PDE1C: variants seen among roughly 807,000 people sequenced by gnomAD.
The protein encoded by PDE1C is phosphodiesterase 1C.
PDE1C carries 62 observed loss-of-function variants against 93.1 expected under a neutral mutation model. The observed-to-expected ratio is 0.67, with a 90% CI of 0.54 to 0.82. The LOEUF (loss-of-function observed/expected upper bound fraction) is 0.82, where lower values mean the gene tolerates loss of function less well. Among genes scored for constraint, PDE1C ranks in the 40% least tolerant of loss-of-function variants. PDE1C has a pLI of 0.00. For synonymous variants in PDE1C, 325 were observed against 310.1 expected (o/e 1.05, Z -0.50); for missense variants, 742 against 884.6 (o/e 0.84, Z 2.04).
chr7:32,015,537 C>T (rs377088196), intron 2 of PDE1C, among the ~76,000 whole-genome samples: 8 of 152,106 alleles, frequency 5.3e-5, no homozygotes, highest in African/African-American at 1.9e-4. Context: ...CCCCACCCCA[C>T]CCACCACCAA....
At chr7:31,882,617 G>C (rs1797391167) in intron 2 of PDE1C, among the ~76,000 whole-genome samples, 1 of 152,038 alleles carries the variant, frequency 6.6e-6, no homozygotes, top group Non-Finnish European at 1.5e-5. Context: ...AGTAAAATTA[G>C]ACTTTTTAAA....
intron 2 of PDE1C, among the ~76,000 whole-genome samples, chr7:32,178,792 GACA>G (rs1183845476): frequency 2.6e-5 from 4 of 152,036 alleles, no homozygotes; most frequent in African/African-American, 2.4e-5. Context: ...TCTTCACAAA[GACA>G]ACTTTTCATG....
intron 1 of PDE1C, among the ~76,000 whole-genome samples, chr7:32,413,212 T>G (rs1272222610): frequency 1.3e-5 from 2 of 152,132 alleles, no homozygotes; most frequent in African/African-American, 2.4e-5. Flanking sequence ...TAATTTTAAA[T>G]GTACAAAATT....
chr7:31,900,085 A>G (rs1799787075), intron 2 of PDE1C, among the ~76,000 whole-genome samples: 1 of 152,202 alleles, frequency 6.6e-6, no homozygotes, highest in Admixed American at 6.5e-5. Context: ...AAAGAGCAAT[A>G]CCATTGGCTA....
At chr7:32,298,680 A>C (rs1427963294) in exon 1 of PDE1C, 3 of 1,608,030 alleles carry the variant, frequency 1.9e-6, no homozygotes, top group East Asian at 2.2e-5. Flanking sequence ...ATCGATGCTG[A>C]AAGTGGCGCT....
In PDE1C at chr7:32,056,918, A is replaced by G. The variant is rs1271670639; in HGVS notation, c.102-5338T>C. Among the ~76,000 whole-genome samples, 10 of 152,268 alleles carry G rather than the reference A, an allele frequency of 6.6e-5. 1 individual carries two copies. The South Asian group carries it at 1.9e-3, about 28-fold the overall frequency. On this transcript the variant is annotated intron_variant, in intron 1 of 17. Transcript: ENST00000396191. ...TCTCAGTTCTGCTAAGAGGAGAATG[A>G]GCTGAAACACTGCCCAGCTTTTCCC...
chr7:32,077,392 A>C (rs141439717), intron 3 of PDE1C, among the ~76,000 whole-genome samples: 58 of 152,312 alleles, frequency 3.8e-4, no homozygotes, highest in African/African-American at 1.3e-3. Context: ...AGGGGTGGGC[A>C]GAGCACCCAA....
chr7:32,381,948 G>A, intron 1 of PDE1C, among the ~76,000 whole-genome samples: 1 of 152,152 alleles, frequency 6.6e-6, no homozygotes, highest in East Asian at 1.9e-4. Flanking sequence ...TACCAAGCAT[G>A]ACCATATGCC....
At chr7:31,785,441 T>C (rs914447577) in intron 16 of PDE1C, 1 of 152,136 alleles carries the variant, frequency 6.6e-6, no homozygotes, top group African/African-American at 2.4e-5. Context: ...TAAACATGAA[T>C]TCATGTCAAA....
At chr7:32,298,573 C>A in intron 1 of PDE1C, 1 of 1,512,580 alleles carries the variant, frequency 6.6e-7, no homozygotes. Context: ...CCCCTGCCCG[C>A]TTAGAAAGGA....
At chr7:31,977,230 G>A (rs181582113) in intron 2 of PDE1C, among the ~76,000 whole-genome samples, 1 of 152,190 alleles carries the variant, frequency 6.6e-6, no homozygotes, top group East Asian at 1.9e-4. Context: ...CCCATGAAGG[G>A]ACTAAGAAGA....
chr7:31,785,679 G>A (rs1783849790), intron 16 of PDE1C: 1 of 152,104 alleles, frequency 6.6e-6, no homozygotes, highest in Non-Finnish European at 1.5e-5. Context: ...GTCCAAGGAG[G>A]ATCTTTAGAG....
intron 2 of PDE1C, among the ~76,000 whole-genome samples, chr7:31,996,792 T>C (rs1207997594): frequency 6.6e-6 from 1 of 152,204 alleles, no homozygotes; most frequent in Non-Finnish European, 1.5e-5. Context: ...TTATACCTTA[T>C]TTTAAGAAAT....
intron 2 of PDE1C, among the ~76,000 whole-genome samples, chr7:32,005,578 A>AAAAAAAAAAAAAAAAAAAAAAAAC (rs1204630246): frequency 4.8e-5 from 5 of 103,714 alleles, no homozygotes; most frequent in Admixed American, 1.9e-4. Flanking sequence ...AAAAAAAAAA[A>AAAAAAAAAAAAAAAAAAAAAAAAC]AAAGAATTGT....
chr7:31,831,244 G>A (rs1239898233), intron 11 of PDE1C, among the ~76,000 whole-genome samples: 1 of 152,158 alleles, frequency 6.6e-6, no homozygotes, highest in Non-Finnish European at 1.5e-5. Flanking sequence ...ATTTAAGATA[G>A]CATAGTAAAG....
chr7:31,959,237 G>A (rs1808581428), intron 2 of PDE1C, among the ~76,000 whole-genome samples: 1 of 152,126 alleles, frequency 6.6e-6, no homozygotes, highest in African/African-American at 2.4e-5. Context: ...TTGAGACACA[G>A]TCTCACTCTG....
the PDE1C span, among the ~76,000 whole-genome samples, chr7:31,723,622 C>T: frequency 6.6e-6 from 1 of 152,276 alleles, no homozygotes; most frequent in African/African-American, 2.4e-5. Context: ...CAGGTCCTTC[C>T]ACACCTGTTG....
At chr7:32,221,593 A>T (rs1806869735) in intron 1 of PDE1C, among the ~76,000 whole-genome samples, 1 of 152,200 alleles carries the variant, frequency 6.6e-6, no homozygotes, top group Non-Finnish European at 1.5e-5. Context: ...CCATACTTTG[A>T]GTAGCTCAGT....
chr7:31,775,627 T>A (rs1304474150), intron 17 of PDE1C, 37 bp downstream of exon 17: 21 of 1,558,760 alleles, frequency 1.3e-5, no homozygotes, highest in Non-Finnish European at 1.7e-5. Context: ...CCATTGTCTG[T>A]GGTCACTAAG....
Sources: allele counts gnomAD v4.1 joint callset (sites outside exome capture counted in the v4.1 genomes callset), GRCh38; gene constraint gnomAD v4.1.1; transcripts MANE v1.5; gene names NCBI Gene and HGNC (gene_info 2026-07-23, HGNC 2026-07-21).